Variants in CNTLN observed in about 807,000 individuals in gnomAD.
CNTLN encodes centlein, centrosomal protein.
A neutral mutation model predicts 180.0 loss-of-function variants in CNTLN; 212 were observed. That is an observed-to-expected ratio of 1.18 (90% CI 1.05 to 1.32). The LOEUF is 1.32. Among genes scored for constraint, CNTLN ranks in the 40% most tolerant of loss-of-function variants. CNTLN has a pLI of 0.00. For synonymous variants in CNTLN, 722 were observed against 563.1 expected (o/e 1.28, Z -3.99); for missense variants, 2,095 against 1,610.9 (o/e 1.30, Z -5.14).
intron 2 of CNTLN, among the ~76,000 whole-genome samples, chr9:17,200,425 G>A (rs2131872841): frequency 1.3e-5 from 2 of 152,222 alleles, no homozygotes; most frequent in Middle Eastern, 3.4e-3. Flanking sequence ...ATTACTTTGG[G>A]GAGTATGGCC....
rs1474525913 is a variant in CNTLN at position 17,484,394 on chromosome 9, A to G, written c.3955A>G (p.Thr1319Ala). Residue 1319 changes from threonine to alanine, a missense_variant, in exon 24 of 26, where the codon ACC becomes GCC. By Grantham distance (58) the Thr-to-Ala change is moderately conservative (BLOSUM62 0). Transcript: ENST00000380647. ...KKNRDACKTSTHKAQTLAASI... is the reference protein window; with the variant it reads ...KKNRDACKTSAHKAQTLAASI... ...AAACAGGGACGCCTGTAAAACCTCA[A>G]CCCATAAAGCCCAGACCTTGGCAGC... is the stretch of plus-strand genomic sequence containing the variant. 5 of 1,612,776 alleles carry G rather than the reference A, an allele frequency of 3.1e-6. No homozygotes were observed. Among genetic ancestry groups the G allele is most frequent in the South Asian group, 2.2e-5 (2 of 90,918 alleles).
downstream of CNTLN, among the ~76,000 whole-genome samples, chr9:17,504,089 C>T (rs1833883347): frequency 1.8e-5 from 1 of 56,536 alleles, no homozygotes; most frequent in Non-Finnish European, 4.3e-5. Context: ...CAAATACTGC[C>T]TTACTGCAAT....
At chr9:17,439,725 G>A (rs910719957) in intron 18 of CNTLN, among the ~76,000 whole-genome samples, 4 of 152,192 alleles carry the variant, frequency 2.6e-5, no homozygotes, top group African/African-American at 9.7e-5. Context: ...CATTTCAAAA[G>A]TGGAGCCTTT....
intron 2 of CNTLN, among the ~76,000 whole-genome samples, chr9:17,220,200 T>C (rs1345501264): frequency 6.6e-6 from 1 of 152,178 alleles, no homozygotes; most frequent in East Asian, 1.9e-4. Context: ...AGACTGTGAG[T>C]ATGTGTACAT....
chr9:17,200,337 G>A (rs1261377849), intron 2 of CNTLN, among the ~76,000 whole-genome samples: 4 of 152,054 alleles, frequency 2.6e-5, no homozygotes. Flanking sequence ...TTGGTTTCAT[G>A]TGAAATTTAG....
At chr9:17,378,170 A>G (rs1035638723) in intron 13 of CNTLN, among the ~76,000 whole-genome samples, 4 of 151,748 alleles carry the variant, frequency 2.6e-5, no homozygotes, top group African/African-American at 7.3e-5. Context: ...ATTTTTAGCC[A>G]TGTTTTATCG....
intron 5 of CNTLN, among the ~76,000 whole-genome samples, chr9:17,250,025 TTTAA>T (rs1341504590): frequency 6.6e-6 from 1 of 151,698 alleles, no homozygotes; most frequent in Non-Finnish European, 1.5e-5. Context: ...CTGTCAATTC[TTTAA>T]TTGTTTGCTC....
At chr9:17,295,969 TGAGAGAGAGAGAGAGA>T (rs113148833) in intron 6 of CNTLN, among the ~76,000 whole-genome samples, 18 of 119,882 alleles carry the variant, frequency 1.5e-4, no homozygotes, top group African/African-American at 5.5e-4. Flanking sequence ...TACTCTTCAG[TGAGAGAGAGAGAGAGA>T]GAGAGAGAGA....
chr9:17,141,095 C>T (rs898700244), intron 1 of CNTLN, among the ~76,000 whole-genome samples: 2 of 152,162 alleles, frequency 1.3e-5, no homozygotes, highest in East Asian at 3.8e-4. Flanking sequence ...AAGTTTCCAA[C>T]AGCACTTATA....
In CNTLN at chr9:17,273,883, T is replaced by G. The variant is rs1828116429; in HGVS notation, c.983+17T>G. The G allele has an allele frequency of 1.3e-6, 2 of 1,508,848 alleles. No homozygotes were observed. Among genetic ancestry groups the G allele is most frequent in the Non-Finnish European group, 1.8e-6 (2 of 1,125,424 alleles). The allele number at this position is 1,508,848 out of a possible 1,614,324, so 93.5% of individuals were successfully genotyped here. The stretch of plus-strand genomic sequence containing the variant: ...CCTGGTCAGGCAAGTATATTCAATT[T>G]TTAATTTAACATCATAGAAATGTCA... On this transcript the variant is annotated intron_variant, in intron 6 of 25. Transcript: ENST00000380647.
At position 17,298,408 on chromosome 9, in the gene CNTLN, T is replaced by G. The variant is rs778043839; in HGVS notation, c.1146+56T>G. The G allele has an allele frequency of 5.8e-6, 8 of 1,375,314 alleles. No individual in the cohort carries two copies. The East Asian group carries it at 2.2e-4, about 38-fold the overall frequency. The allele number at this position is 1,375,314 out of a possible 1,614,324, so 85.2% of individuals were successfully genotyped here. A position where few individuals can be genotyped will look rare whatever the true frequency, so the allele number is the denominator to read the frequency against. On this transcript the variant is annotated intron_variant, in intron 7 of 25. Transcript: ENST00000380647. ...ATGTTTATGTATGAACTTATGAACATATATAGAATTCAGATTTTTTCAAAT... is the reference window on the plus strand; with the variant it reads ...ATGTTTATGTATGAACTTATGAACAGATATAGAATTCAGATTTTTTCAAAT...
At chr9:17,216,942 T>C (rs187746469) in intron 2 of CNTLN, among the ~76,000 whole-genome samples, 2 of 152,344 alleles carry the variant, frequency 1.3e-5, no homozygotes, top group Admixed American at 6.5e-5. Context: ...AATGTATTTT[T>C]GCTGAGCACT....
chr9:17,196,986 C>T (rs1372600155), intron 2 of CNTLN, among the ~76,000 whole-genome samples: 1 of 152,130 alleles, frequency 6.6e-6, no homozygotes, highest in Non-Finnish European at 1.5e-5. Context: ...CATTAACCCC[C>T]TCCGTTCCAC....
chr9:17,235,764 A>T lies in CNTLN; in HGVS notation c.641A>T (p.Lys214Ile). Residue 214 changes from lysine to isoleucine, a missense_variant, in exon 4 of 26, where the codon AAA (lysine) becomes ATA (isoleucine). By Grantham distance (102) the Lys-to-Ile change is moderately radical. Coordinates refer to ENST00000380647, the MANE Select transcript of CNTLN (RefSeq NM_017738.4). ...LRKEFSDLEK[K>I]FKDKSQEIKD... is the part of the protein sequence containing the mutation. Reference sequence around the variant, plus strand: ...AAAGAATTCAGTGACTTGGAGAAGAAATTTAAAGATAAAAGTCAAGAAATT... The same window carrying T: ...AAAGAATTCAGTGACTTGGAGAAGATATTTAAAGATAAAAGTCAAGAAATT... 1.2e-6 allele frequency: 2 copies of T among 1,603,132 alleles called. No homozygotes were observed. Among genetic ancestry groups the T allele is most frequent in the East Asian group, 4.5e-5 (2 of 44,426 alleles).
the CNTLN span, among the ~76,000 whole-genome samples, chr9:17,522,345 A>T: frequency 6.6e-6 from 1 of 152,146 alleles, no homozygotes; most frequent in Non-Finnish European, 1.5e-5. Context: ...ACAGCCCTAT[A>T]AGGAAAAGGA....
At chr9:17,246,963 C>T (rs957369102) in intron 5 of CNTLN, among the ~76,000 whole-genome samples, 1 of 152,044 alleles carries the variant, frequency 6.6e-6, no homozygotes, top group African/African-American at 2.4e-5. Flanking sequence ...CCTCAGGGCA[C>T]TCCCTGGTGC....
chr9:17,507,996 G>A (rs1375896375), downstream of CNTLN, among the ~76,000 whole-genome samples: 1 of 152,166 alleles, frequency 6.6e-6, no homozygotes, highest in Admixed American at 6.6e-5. Context: ...TAGAGAAAAT[G>A]TTGCTCTTTG....
intron 13 of CNTLN, among the ~76,000 whole-genome samples, chr9:17,385,483 G>A (rs149399803): frequency 8.6e-4 from 131 of 152,200 alleles, no homozygotes; most frequent in African/African-American, 2.9e-3. Context: ...CTCTGGTATG[G>A]TTGAAAGGAG....
chr9:17,216,149 T>G (rs1041339611), intron 2 of CNTLN, among the ~76,000 whole-genome samples: 2 of 152,182 alleles, frequency 1.3e-5, no homozygotes, highest in Non-Finnish European at 2.9e-5. Context: ...TTGCTCACTC[T>G]TGGAGCTGTA....
Sources: allele counts gnomAD v4.1 joint callset (sites outside exome capture counted in the v4.1 genomes callset), GRCh38; gene constraint gnomAD v4.1.1; transcripts MANE v1.5; gene names NCBI Gene and HGNC (gene_info 2026-07-23, HGNC 2026-07-21).